Variants in MSL3 observed in about 807,000 individuals in gnomAD.
The protein encoded by MSL3 is MSL3-like 1.
MSL3 carries 5 observed loss-of-function variants against 37.2 expected under a neutral mutation model. That is an observed-to-expected ratio of 0.13 (90% CI 0.07 to 0.28). The LOEUF (loss-of-function observed/expected upper bound fraction) is 0.28. MSL3 is among the 10% of genes least tolerant of loss of function. The pLI, the probability that MSL3 is intolerant of heterozygous loss-of-function variation, is 1.00. For synonymous variants in MSL3, 149 were observed against 147.6 expected (o/e 1.01, Z -0.07); for missense variants, 315 against 408.5 (o/e 0.77, Z 1.97).
In MSL3 at chrX:11,765,562, C is replaced by A. The variant is rs2053173531; in HGVS notation, c.1004C>A (p.Pro335His). 7.4e-6 allele frequency: 9 copies of A among 1,211,240 alleles called. No individual in the cohort carries two copies. Among genetic ancestry groups the A allele is most frequent in the Non-Finnish European group, 8.9e-6 (8 of 895,291 alleles). Residue 335 changes from proline (P) to histidine (H), a missense_variant, in exon 9 of 13, where the codon CCC becomes CAC. Physicochemically the swap from Pro to His is moderately conservative, Grantham distance 77. Transcript: ENST00000312196. ...SQPTTGEPAT[P>H]KRRKAEPEAL... Reference sequence around the variant, plus strand: ...CCGACCACCGGTGAACCAGCCACCCCCAAAAGGCGCAAAGCTGAGCCAGAA... The same window carrying A: ...CCGACCACCGGTGAACCAGCCACCCACAAAAGGCGCAAAGCTGAGCCAGAA...
chrX:11,763,958 C>G lies in MSL3; in HGVS notation c.908+20C>G. 1.7e-6 allele frequency: 2 copies of G among 1,175,579 alleles called. No individual in the cohort carries two copies. The highest frequency in any genetic ancestry group is 3.8e-5 in the South Asian group (2 of 52,625). ...TAACAGGTAAGTTATATAGCCTGCACTTTCACCCTCACATGTCAGCAGTAC... is the reference window on the plus strand; with the variant it reads ...TAACAGGTAAGTTATATAGCCTGCAGTTTCACCCTCACATGTCAGCAGTAC... On this transcript the variant is annotated intron_variant, in intron 8 of 12. Transcript: ENST00000312196.
chrX:11,758,767 G>A, intron 1 of MSL3: 1 of 1,166,115 alleles, frequency 8.6e-7, no homozygotes, highest in Non-Finnish European at 1.1e-6. Flanking sequence ...CTGGCCGTCC[G>A]ATCCAGGTTC....
In MSL3 at chrX:11,769,042, T is replaced by C. The variant is rs768200412; in HGVS notation, c.1281+360T>C. 13 of 133,528 alleles carry C rather than the reference T, an allele frequency of 9.7e-5. No homozygotes were observed. In the South Asian group the frequency reaches 3.3e-3, roughly 34 times the overall value. 11.0% of individuals were successfully genotyped at this position (133,528 alleles called of 1,213,427 possible). A position where few individuals can be genotyped will look rare whatever the true frequency, so the allele number is the denominator to read the frequency against. ...ACTTAACTCCAAAAGTAGCCACAGA[T>C]AGTATGTAAATAAAATGAGTGTGCT... On this transcript the variant is annotated intron_variant, in intron 10 of 12. Coordinates refer to ENST00000312196, the MANE Select transcript of MSL3 (RefSeq NM_078629.4).
At chrX:11,768,496 T>G (rs745718334) in intron 9 of MSL3, 77 bp from the exon 10 acceptor site, 42 of 650,699 alleles carry the variant, frequency 6.5e-5, no homozygotes, top group Non-Finnish European at 8.8e-5. Context: ...TAGATTTATG[T>G]TCTGCAGTTT....
At chrX:11,769,126 G>A (rs1260504241) in intron 10 of MSL3, 2 of 113,890 alleles carry the variant, frequency 1.8e-5, no homozygotes, top group African/African-American at 6.5e-5. Context: ...TAATTTTCAT[G>A]TGTTTGAAAA....
intron 6 of MSL3, 81 bp from the exon 7 acceptor site, chrX:11,762,756 C>T (rs1463119900): frequency 1.1e-6 from 1 of 924,862 alleles, no homozygotes; most frequent in African/African-American, 2.0e-5. Flanking sequence ...AAAAATGATA[C>T]AGACATGACC....
intron 8 of MSL3, 54 bp downstream of exon 8, chrX:11,763,992 G>T (rs933051383): frequency 1.9e-6 from 2 of 1,055,845 alleles, no homozygotes; most frequent in African/African-American, 3.7e-5. Context: ...ACAATGATCA[G>T]ATCCTTGTTT....
chrX:11,765,753 A>G (rs778218411), intron 9 of MSL3, 24 bp downstream of exon 9: 3 of 1,205,213 alleles, frequency 2.5e-6, no homozygotes, highest in East Asian at 5.9e-5. Flanking sequence ...CGGGTGCCCC[A>G]GGCCGGGGAG....
At chrX:11,758,390 G>C in intron 1 of MSL3, 25 bp downstream of exon 1, 1 of 1,058,354 alleles carries the variant, frequency 9.4e-7, no homozygotes, top group Non-Finnish European at 1.2e-6. Context: ...GGACAGGGAG[G>C]AGGCGCGGGC....
rs190497118 is a variant in MSL3, at chrX:11,774,330, T to G, written c.1467-650T>G. Among the ~76,000 whole-genome samples, 625 of 111,927 alleles carry G rather than the reference T, an allele frequency of 5.6e-3. 2 individuals are homozygous for G. Among genetic ancestry groups the G allele is most frequent in the African/African-American group, 0.019 (598 of 30,820 alleles). ...TTTATTTTTTATTTTGTTTATTTAT[T>G]TATTTTTGAGACGGAGTCTTGCTCT... On this transcript the variant is annotated intron_variant, in intron 12 of 12. Transcript: ENST00000312196.
At position 11,765,675 on chromosome X, in the gene MSL3, C is replaced by T. The variant is rs1316339918; in HGVS notation, c.1117C>T (p.Arg373Trp). 6 of 1,212,051 alleles carry T rather than the reference C, an allele frequency of 5.0e-6. No individual in the cohort carries two copies. The highest frequency in any genetic ancestry group is 6.7e-6 in the Non-Finnish European group (6 of 895,509). The stretch of plus-strand genomic sequence containing the variant: ...CAGCGCTTCACCTCAGCCCAAGCGC[C>T]GGCAGCAGGACACATCCGCCAGCAT... ...ESSASPQPKRRQQDTSASMPK... is the reference protein window; with the variant it reads ...ESSASPQPKRWQQDTSASMPK... Residue 373 changes from arginine (R) to tryptophan (W), a missense_variant, in exon 9 of 13, where the codon CGG (arginine) becomes TGG (tryptophan). Physicochemically the swap from Arg to Trp is moderately radical, Grantham distance 101. Coordinates refer to ENST00000312196, the MANE Select transcript of MSL3 (RefSeq NM_078629.4).
At chrX:11,758,217 G>A (rs758919603), upstream of MSL3, 1 of 235,512 alleles carries the variant, frequency 4.2e-6, no homozygotes, top group Non-Finnish European at 6.9e-6. Flanking sequence ...CCCCCACCGC[G>A]CGCGCTCCGC....
intron 8 of MSL3, among the ~76,000 whole-genome samples, chrX:11,764,461 C>A (rs2053161828): frequency 9.0e-6 from 1 of 111,042 alleles, no homozygotes; most frequent in Non-Finnish European, 1.9e-5. Context: ...CTTTTCCTCC[C>A]TCAGTTACCG....
intron 1 of MSL3, chrX:11,758,571 G>T (rs1191467858): frequency 1.8e-6 from 2 of 1,109,870 alleles, no homozygotes; most frequent in Non-Finnish European, 2.4e-6. Context: ...CCTTCCGTCA[G>T]GCCGGGCGGC....
Position 11,772,566 on chromosome X carries a change from A to G in MSL3, c.1382-55A>G. 8.3e-6 allele frequency: 7 copies of G among 843,984 alleles called. No individual in the cohort carries two copies. The South Asian group carries it at 1.1e-4, about 13-fold the overall frequency. The allele number at this position is 843,984 out of a possible 1,213,427, so 69.6% of individuals were successfully genotyped here. On this transcript the variant is annotated intron_variant, in intron 11 of 12. Transcript: ENST00000312196. ...CCCAGACCTTCCCTGAGTGAATCCTATGCATTGTCAGATTCTGCTAATTGT... is the reference window on the plus strand; with the variant it reads ...CCCAGACCTTCCCTGAGTGAATCCTGTGCATTGTCAGATTCTGCTAATTGT...
In MSL3 at chrX:11,772,693, A is replaced by G; in HGVS notation, c.1454A>G (p.Asp485Gly). Residue 485 changes from aspartate (D) to glycine (G), a missense_variant, in exon 12 of 13, where the codon GAT (aspartate) becomes GGT (glycine). Transcript: ENST00000312196. Reference protein sequence around the residue: ...KNLKALLKHFDLFLRFLAEYH... With the variant: ...KNLKALLKHFGLFLRFLAEYH... ...CTGAAGGCTTTATTGAAGCACTTTG[A>G]TCTCTTTTTGAGGTATTTTTATTAT... 1 of 1,168,089 alleles carries G rather than the reference A, an allele frequency of 8.6e-7. No individual in the cohort carries two copies. Among genetic ancestry groups the G allele is most frequent in the Non-Finnish European group, 1.2e-6 (1 of 861,162 alleles).
chrX:11,767,749 A>G, intron 9 of MSL3: 1 of 267,665 alleles, frequency 3.7e-6, no homozygotes, highest in Non-Finnish European at 5.1e-6. Flanking sequence ...GAAACCCCAC[A>G]TCGACTAGCA....
At chrX:11,769,165 T>C (rs2053211146) in intron 10 of MSL3, 2 of 115,530 alleles carry the variant, frequency 1.7e-5, no homozygotes, top group Admixed American at 9.1e-5. Flanking sequence ...CATTTAAAAA[T>C]ATAACATCCA....
In MSL3 at chrX:11,772,179, T is replaced by C. The variant is rs766351738; in HGVS notation, c.1305T>C (p.Pro435=). The part of the protein sequence containing the change: ...INEVLSWKLV[P]DNYPPGDQPP... ...AGGTCCTCTCCTGGAAGCTTGTGCC[T>C]GACAATTACCCCCCAGGTGACCAGC... The change falls in exon 11 of 13, where the codon CCT becomes CCC. Residue 435 remains proline (P), a synonymous_variant. Transcript: ENST00000312196. 33 of 1,209,775 alleles carry C rather than the reference T, an allele frequency of 2.7e-5. No homozygotes were observed. The highest frequency in any genetic ancestry group is 3.7e-5 in the Non-Finnish European group (33 of 893,842).
Sources: allele counts gnomAD v4.1 joint callset (sites outside exome capture counted in the v4.1 genomes callset), GRCh38; gene constraint gnomAD v4.1.1; transcripts MANE v1.5; gene names NCBI Gene and HGNC (gene_info 2026-07-23, HGNC 2026-07-21).